The following DOCK3 variants were observed in gnomAD, a reference collection of about 807,000 sequenced individuals.
DOCK3 encodes the protein dedicator of cytokinesis protein 3.
Under a neutral mutation model 265.6 loss-of-function variants are expected in DOCK3, and 60 were observed. The observed-to-expected ratio is 0.23, with a 90% confidence interval of 0.18 to 0.28. The LOEUF is 0.28. Ranked by LOEUF, DOCK3 falls within the 10% of genes least tolerant of loss-of-function variation. The pLI, the probability that DOCK3 is intolerant of heterozygous loss-of-function variation, is 1.00. For synonymous variants in DOCK3, 881 were observed against 938.0 expected, an observed-to-expected ratio of 0.94 and a Z score of 1.11; for missense variants, 1,981 against 2,594.3, an observed-to-expected ratio of 0.76 and a Z score of 5.14.
chr3:50,903,735 AAAT>A (rs1355727979), intron 4 of DOCK3, among the ~76,000 whole-genome samples: 2 of 152,058 alleles, frequency 1.3e-5, no homozygotes, highest in Non-Finnish European at 2.9e-5. Context: ...GTTTTAGTAG[AAAT>A]GGTACCAGCT....
chr3:50,908,369 T>C (rs762888646), intron 4 of DOCK3, among the ~76,000 whole-genome samples: 2 of 152,116 alleles, frequency 1.3e-5, no homozygotes, highest in South Asian at 2.1e-4. Context: ...TTTAGTGTTA[T>C]AAACTTGTGT....
chr3:51,144,977 C>T (rs1294221522), intron 9 of DOCK3, among the ~76,000 whole-genome samples: 2 of 152,110 alleles, frequency 1.3e-5, no homozygotes, highest in Admixed American at 1.3e-4. Context: ...TGAGATTCTG[C>T]GCAGGGGCAG....
chr3:50,938,638 T>C (rs1200546197), intron 5 of DOCK3, among the ~76,000 whole-genome samples: 1 of 151,890 alleles, frequency 6.6e-6, no homozygotes, highest in Non-Finnish European at 1.5e-5. Context: ...CCTGAAAAAT[T>C]AACCCACTAC....
intron 1 of DOCK3, among the ~76,000 whole-genome samples, chr3:50,705,509 G>A (rs1376166836): frequency 2.0e-5 from 3 of 152,246 alleles, no homozygotes; most frequent in Admixed American, 2.0e-4. Flanking sequence ...TCCGCCTGCT[G>A]GGTTCAAGCA....
chr3:51,027,626 T>C, intron 5 of DOCK3, among the ~76,000 whole-genome samples: 1 of 152,172 alleles, frequency 6.6e-6, no homozygotes, highest in Non-Finnish European at 1.5e-5. Context: ...TGCTTTGTTG[T>C]TGGGTGCATA....
chr3:51,067,683 TAG>T (rs1186450727), intron 6 of DOCK3, among the ~76,000 whole-genome samples: 1,606 of 151,974 alleles, frequency 0.011, 42 homozygotes, highest in African/African-American at 0.036. Flanking sequence ...GTGGAAAATA[TAG>T]TCACTTAAAA....
At chr3:51,067,909 C>T (rs2081663494) in intron 6 of DOCK3, among the ~76,000 whole-genome samples, 2 of 152,164 alleles carry the variant, frequency 1.3e-5, no homozygotes, top group Non-Finnish European at 2.9e-5. Context: ...AAGCTGAGAA[C>T]AGATGACTAT....
At chr3:50,859,625 A>G (rs1244641730) in intron 3 of DOCK3, among the ~76,000 whole-genome samples, 2 of 152,080 alleles carry the variant, frequency 1.3e-5, no homozygotes, top group African/African-American at 4.8e-5. Context: ...GGTTGAGTAC[A>G]GTCAGTTGAC....
chr3:50,943,654 C>T lies in DOCK3; in HGVS notation c.315+9577C>T, dbSNP rs182953042. 4.7e-4 allele frequency among the ~76,000 whole-genome samples: 71 copies of T among 151,986 alleles called. No homozygotes were observed. In the East Asian group the frequency reaches 0.012, roughly 26 times the overall value. ...AAAAATAAAACTTTTATTTAAATAA[C>T]GAACACAGTGGATGATACTGTAGAA... On this transcript the variant is annotated intron_variant, in intron 5 of 52. Transcript: ENST00000266037.
intron 16 of DOCK3, 95 bp from the exon 17 acceptor site, chr3:51,227,887 G>T (rs1208246895): frequency 3.3e-6 from 4 of 1,221,354 alleles, no homozygotes; most frequent in Non-Finnish European, 4.7e-6. Context: ...AAAGAGGCGA[G>T]GAACAAAAGA....
chr3:51,225,601 C>T, intron 14 of DOCK3, 48 bp from the exon 15 acceptor site: 2 of 1,575,660 alleles, frequency 1.3e-6, no homozygotes, highest in African/African-American at 1.4e-5. Context: ...GAAAATGGGG[C>T]AGTATGGCTT....
intron 38 of DOCK3, among the ~76,000 whole-genome samples, chr3:51,342,242 G>A (rs1005958824): frequency 3.3e-5 from 5 of 152,166 alleles, no homozygotes; most frequent in African/African-American, 1.2e-4. Flanking sequence ...CATAACATGG[G>A]GGACTTCTAT....
Position 51,229,506 on chromosome 3 carries a change from T to C in DOCK3, c.1820-6T>C, listed in dbSNP as rs1225846372. On this transcript the variant is annotated splice_region_variant and splice_polypyrimidine_tract_variant and intron_variant, in intron 18 of 52. Coordinates refer to ENST00000266037, the MANE Select transcript of DOCK3 (RefSeq NM_004947.5). ...GGGTTCCTCATCTTTTGGGCTTGCTTTCTAGTGGACCTCCTAGCTCTGCTG... is the reference window on the plus strand; with the variant it reads ...GGGTTCCTCATCTTTTGGGCTTGCTCTCTAGTGGACCTCCTAGCTCTGCTG... The C allele has an allele frequency of 1.3e-6, 2 of 1,573,006 alleles. No individual in the cohort carries two copies. Among genetic ancestry groups the C allele is most frequent in the Non-Finnish European group, 1.7e-6 (2 of 1,163,484 alleles).
intron 5 of DOCK3, among the ~76,000 whole-genome samples, chr3:51,030,302 A>G (rs1158167773): frequency 6.6e-6 from 1 of 152,082 alleles, no homozygotes; most frequent in African/African-American, 2.4e-5. Flanking sequence ...TTCCATGGTC[A>G]TGTCTCCTGG....
intron 9 of DOCK3, among the ~76,000 whole-genome samples, chr3:51,116,343 C>T (rs960590459): frequency 9.2e-5 from 13 of 141,548 alleles, no homozygotes; most frequent in African/African-American, 2.9e-4. Flanking sequence ...CCCAGCTACT[C>T]GGGAGGCTGA....
At chr3:50,892,680 A>C (rs1313759745) in intron 4 of DOCK3, among the ~76,000 whole-genome samples, 2 of 152,096 alleles carry the variant, frequency 1.3e-5, no homozygotes, top group Non-Finnish European at 2.9e-5. Flanking sequence ...AGCTAAGAAC[A>C]AAGAAAAGGA....
chr3:50,768,406 C>G (rs574105386), intron 1 of DOCK3, among the ~76,000 whole-genome samples: 1 of 152,028 alleles, frequency 6.6e-6, no homozygotes, highest in Non-Finnish European at 1.5e-5. Context: ...TGATGAACAT[C>G]GATGCAAAAA....
intron 7 of DOCK3, among the ~76,000 whole-genome samples, chr3:51,084,375 A>G (rs1393087749): frequency 6.6e-6 from 1 of 152,224 alleles, no homozygotes; most frequent in Non-Finnish European, 1.5e-5. Context: ...CACCAGACTA[A>G]TAGCACATTT....
chr3:50,891,027 A>G (rs2107735704), intron 4 of DOCK3, among the ~76,000 whole-genome samples: 2 of 152,210 alleles, frequency 1.3e-5, no homozygotes, highest in East Asian at 3.9e-4. Flanking sequence ...TTGAGGAGGG[A>G]ATATCAAATA....
Sources: gnomAD v4.1 joint callset for allele counts (sites outside exome capture counted in the v4.1 genomes callset) on GRCh38, gnomAD v4.1.1 for gene constraint, MANE v1.5 for transcripts, NCBI Gene and HGNC (gene_info 2026-07-23, HGNC 2026-07-21) for gene names.